Variants in ROBO2 observed in about 807,000 individuals in gnomAD.
The protein encoded by ROBO2 is roundabout guidance receptor 2, also known as roundabout homolog 2.
ROBO2 carries 53 observed loss-of-function variants against 160.8 expected under a neutral mutation model. That is an observed-to-expected ratio of 0.33 (90% CI 0.26 to 0.41). ROBO2 has a LOEUF of 0.41. Ranked by LOEUF, ROBO2 falls within the 10% of genes least tolerant of loss-of-function variation. The pLI, the probability that ROBO2 is intolerant of heterozygous loss-of-function variation, is 1.00. For missense variants in ROBO2, 1,577 were observed against 1,722.4 expected, an observed-to-expected ratio of 0.92 and a Z score of 1.49; for synonymous variants, 664 against 611.7, an observed-to-expected ratio of 1.09 and a Z score of -1.26.
chr3:77,343,490 G>A (rs546547809), intron 2 of ROBO2, among the ~76,000 whole-genome samples: 4 of 151,928 alleles, frequency 2.6e-5, no homozygotes, highest in Admixed American at 1.3e-4. Flanking sequence ...TTTATTAATC[G>A]CTCATGAACC....
At chr3:77,574,426 A>G (rs2093711266) in intron 13 of ROBO2, 73 bp from the exon 15 acceptor site, 2 of 1,300,848 alleles carry the variant, frequency 1.5e-6, no homozygotes, top group Non-Finnish European at 2.2e-6. Flanking sequence ...GGACAAATGA[A>G]AAGAGGACAA....
At chr3:75,950,892 G>A (rs1294659403) in intron 2 of ROBO2, among the ~76,000 whole-genome samples, 1 of 152,072 alleles carries the variant, frequency 6.6e-6, no homozygotes, top group East Asian at 1.9e-4. Context: ...TGACAGGATA[G>A]GCTGTGGTCA....
At chr3:77,534,221 G>A (rs551025151) in intron 6 of ROBO2, among the ~76,000 whole-genome samples, 22 of 152,098 alleles carry the variant, frequency 1.4e-4, no homozygotes, top group Non-Finnish European at 1.6e-4. Flanking sequence ...CTCAATACAG[G>A]AAAGTGAAGC....
chr3:76,283,619 T>C (rs1708359213), intron 2 of ROBO2, among the ~76,000 whole-genome samples: 2 of 151,932 alleles, frequency 1.3e-5, no homozygotes. Flanking sequence ...GTCACCCAAT[T>C]CCCATTTAGC....
chr3:76,103,502 G>A (rs2069790412), intron 2 of ROBO2, among the ~76,000 whole-genome samples: 2 of 152,278 alleles, frequency 1.3e-5, no homozygotes, highest in Admixed American at 1.3e-4. Flanking sequence ...GTTTGTTAAT[G>A]AAGAGATTAG....
chr3:76,474,803 C>G (rs960088861), intron 2 of ROBO2, among the ~76,000 whole-genome samples: 2 of 152,072 alleles, frequency 1.3e-5, no homozygotes, highest in African/African-American at 4.8e-5. Context: ...CTCACTCTTG[C>G]ATCTGCAGAT....
intron 2 of ROBO2, among the ~76,000 whole-genome samples, chr3:76,214,771 C>A (rs1248163915): frequency 6.6e-6 from 1 of 152,226 alleles, no homozygotes; most frequent in African/African-American, 2.4e-5. Flanking sequence ...GCAATAACAT[C>A]TGCAGACTTA....
chr3:76,980,663 T>A (rs2060050713), intron 2 of ROBO2, among the ~76,000 whole-genome samples: 1 of 152,222 alleles, frequency 6.6e-6, no homozygotes, highest in Non-Finnish European at 1.5e-5. Context: ...TGGTAATCTT[T>A]TCTTGCTTTT....
intron 13 of ROBO2, among the ~76,000 whole-genome samples, chr3:77,571,108 G>T (rs2093627223): frequency 6.6e-6 from 1 of 151,956 alleles, no homozygotes; most frequent in Non-Finnish European, 1.5e-5. Flanking sequence ...AGGACAAAAA[G>T]AATTACATAC....
At chr3:76,529,614 GTTATTA>G (rs1427045156) in intron 2 of ROBO2, among the ~76,000 whole-genome samples, 2 of 152,056 alleles carry the variant, frequency 1.3e-5, no homozygotes, top group African/African-American at 2.4e-5. Flanking sequence ...GATGATGTTT[GTTATTA>G]TTATTTATAA....
intron 2 of ROBO2, among the ~76,000 whole-genome samples, chr3:76,886,807 A>G (rs1432825969): frequency 1.3e-5 from 2 of 152,100 alleles, no homozygotes; most frequent in Non-Finnish European, 2.9e-5. Flanking sequence ...GAAGGAGAAG[A>G]CTAAGTCTGA....
chr3:77,514,157 C>T (rs1338148306), intron 5 of ROBO2, among the ~76,000 whole-genome samples: 12 of 151,366 alleles, frequency 7.9e-5, no homozygotes, highest in Non-Finnish European at 1.2e-4. Flanking sequence ...TAATATTATA[C>T]CATGTTACAA....
chr3:76,648,949 G>A (rs1483551166), intron 2 of ROBO2, among the ~76,000 whole-genome samples: 1 of 151,832 alleles, frequency 6.6e-6, no homozygotes, highest in African/African-American at 2.4e-5. Context: ...TAAGGATGTC[G>A]GTGTACAACT....
intron 2 of ROBO2, among the ~76,000 whole-genome samples, chr3:76,620,262 A>G (rs1488292747): frequency 6.6e-6 from 1 of 152,198 alleles, no homozygotes; most frequent in Non-Finnish European, 1.5e-5. Context: ...TTCTCATGAA[A>G]CATTAATGTA....
chr3:76,481,194 A>C (rs1356433162), intron 2 of ROBO2, among the ~76,000 whole-genome samples: 1 of 152,146 alleles, frequency 6.6e-6, no homozygotes, highest in Non-Finnish European at 1.5e-5. Flanking sequence ...GTGAACACTC[A>C]AGCTGGGTCT....
intron 2 of ROBO2, among the ~76,000 whole-genome samples, chr3:76,525,077 C>G (rs1372464742): frequency 6.6e-6 from 1 of 151,524 alleles, no homozygotes; most frequent in African/African-American, 2.4e-5. Flanking sequence ...TATAGGTTTG[C>G]TTTTCTCTGT....
chr3:77,461,195 T>G (rs1188086788), intron 2 of ROBO2, among the ~76,000 whole-genome samples: 1 of 152,168 alleles, frequency 6.6e-6, no homozygotes, highest in Non-Finnish European at 1.5e-5. Flanking sequence ...AAATATAGAG[T>G]GAACTTTTTA....
chr3:76,642,045 C>T (rs750906339), intron 2 of ROBO2, among the ~76,000 whole-genome samples: 6 of 152,056 alleles, frequency 3.9e-5, no homozygotes, highest in East Asian at 1.9e-4. Flanking sequence ...TAAAAGCTGA[C>T]GTAGGGTTAG....
At chr3:77,323,132 A>C (rs1226002327) in intron 2 of ROBO2, among the ~76,000 whole-genome samples, 1 of 146,268 alleles carries the variant, frequency 6.8e-6, no homozygotes, top group Non-Finnish European at 1.5e-5. Flanking sequence ...AATTATAAAA[A>C]AAGTGTATGT....
Sources: gnomAD v4.1 joint callset for allele counts (sites outside exome capture counted in the v4.1 genomes callset) on GRCh38, gnomAD v4.1.1 for gene constraint, MANE v1.5 for transcripts, NCBI Gene and HGNC (gene_info 2026-07-23, HGNC 2026-07-21) for gene names.